Variants in AHNAK2 observed in about 807,000 individuals in gnomAD.
The protein encoded by AHNAK2 is AHNAK nucleoprotein 2, also known as protein AHNAK2.
AHNAK2 carries 18 observed loss-of-function variants against 30.7 expected under a neutral mutation model. The observed-to-expected ratio is 0.59, with a 90% CI of 0.41 to 0.87. The LOEUF (loss-of-function observed/expected upper bound fraction) is 0.87. AHNAK2 is among the 40% of genes least tolerant of loss of function. The probability of loss-of-function intolerance (pLI) is 0.00; values close to 1 mark genes in which losing one functional copy is unlikely to be tolerated. For synonymous variants in AHNAK2, 3,590 were observed against 3,073.8 expected (o/e 1.17, Z -5.56); for missense variants, 8,604 against 7,373.0 (o/e 1.17, Z -6.11).
chr14:104,943,801 C>A lies in AHNAK2; in HGVS notation c.11650G>T (p.Gly3884Ter), dbSNP rs765070678. The change falls in exon 7 of 7, where the codon GGA (glycine) becomes TGA (stop). Residue 3884 changes from glycine (G) to a stop codon, truncating the protein, a stop_gained. Transcript: ENST00000333244. LOFTEE classifies it low-confidence loss of function (END_TRUNC). Reference protein sequence around the residue: ...GHVPEEAGLKGHLPKVQMPSF... With the variant: ...GHVPEEAGLK ...GGCATCTGCACCTTGGGCAGGTGTC[C>A]TTTGAGGCCGGCTTCCTCGGGCACG... 6.2e-7 allele frequency: 1 copy of A among 1,613,190 alleles called. No homozygotes were observed. Among genetic ancestry groups the A allele is most frequent in the Non-Finnish European group, 8.5e-7 (1 of 1,179,608 alleles).
rs760600086 is a variant in AHNAK2 at position 104,941,008 on chromosome 14, C to A, written c.14443G>T (p.Gly4815Trp). Reference protein sequence around the residue: ...APELALEIPSGSQADIPLPKT... With the variant: ...APELALEIPSWSQADIPLPKT... ...GGAAGAGGAATATCAGCCTGAGACC[C>A]AGAAGGAATTTCCAGAGCAAGCTCA... is the stretch of plus-strand genomic sequence containing the variant. The change falls in exon 7 of 7, where the codon GGG (glycine) becomes TGG (tryptophan). Residue 4815 changes from glycine to tryptophan, a missense_variant. Gly to Trp is a radical substitution (Grantham distance 184). Coordinates refer to ENST00000333244, the MANE Select transcript of AHNAK2 (RefSeq NM_138420.4). 1 of 1,613,280 alleles carries A rather than the reference C, an allele frequency of 6.2e-7. No individual in the cohort carries two copies. Among genetic ancestry groups the A allele is most frequent in the African/African-American group, 1.3e-5 (1 of 74,910 alleles).
chr14:104,940,294 T>C lies in AHNAK2; in HGVS notation c.15157A>G (p.Thr5053Ala), dbSNP rs373636433. 4.6e-5 allele frequency: 75 copies of C among 1,613,630 alleles called. No homozygotes were observed. The highest frequency in any genetic ancestry group is 5.8e-5 in the Non-Finnish European group (69 of 1,179,904). ...GTGTCTTGAAAGCTACCCCCTGCTG[T>C]GGCACTAGAAAGGGAAGGATCCACG... is the stretch of plus-strand genomic sequence containing the variant. The part of the protein sequence containing the change: ...RDVDPSLSSA[T>A]AGGSFQDTEK... Residue 5053 changes from threonine to alanine, a missense_variant, in exon 7 of 7, where the codon ACA (threonine) becomes GCA (alanine). Coordinates refer to ENST00000333244, the MANE Select transcript of AHNAK2 (RefSeq NM_138420.4). This position sits in a 1 kb window ranked among gnomAD's most constrained non-coding sequence, Gnocchi z 4.4.
Position 104,939,641 on chromosome 14 carries a change from C to A in AHNAK2, c.15810G>T (p.Arg5270Ser). The change falls in exon 7 of 7, where the codon AGG becomes AGT. Residue 5270 changes from arginine to serine, a missense_variant. Arg to Ser is a moderately radical substitution (Grantham distance 110). Transcript: ENST00000333244. ...SESKSSTDILRCDLDSTGLKL... is the reference protein window; with the variant it reads ...SESKSSTDILSCDLDSTGLKL... Reference sequence around the variant, plus strand: ...TCAAGCCTGTGCTGTCAAGATCACACCTTAGAATATCTGTGGATGATTTGC... The same window carrying A: ...TCAAGCCTGTGCTGTCAAGATCACAACTTAGAATATCTGTGGATGATTTGC... 6.2e-7 allele frequency: 1 copy of A among 1,613,858 alleles called. No homozygotes were observed.
chr14:104,949,299 T>G lies in AHNAK2; in HGVS notation c.6152A>C (p.Gln2051Pro). Residue 2051 changes from glutamine to proline, a missense_variant, in exon 7 of 7, where the codon CAG (glutamine) becomes CCG (proline). Transcript: ENST00000333244. Reference protein sequence around the residue: ...PSADLKVQTGQVDVKLPEGHV... With the variant: ...PSADLKVQTGPVDVKLPEGHV... ...GCCCTCCGGGAGCTTCACATCCACC[T>G]GGCCAGTCTGGACCTTCAGGTCGGC... 9.4e-7 allele frequency: 1 copy of G among 1,065,336 alleles called. No homozygotes were observed. The highest frequency in any genetic ancestry group is 2.3e-5 in the East Asian group (1 of 44,102). 66.0% of individuals were successfully genotyped at this position (1,065,336 alleles called of 1,614,324 possible).
chr14:104,969,414 C>T (rs939877242), intron 1 of AHNAK2, among the ~76,000 whole-genome samples: 5 of 152,248 alleles, frequency 3.3e-5, no homozygotes, highest in Non-Finnish European at 7.3e-5. Context: ...GGGCCACAGG[C>T]GCTCTCTCTC....
intron 1 of AHNAK2, among the ~76,000 whole-genome samples, chr14:104,961,798 C>T (rs1899157188): frequency 6.6e-6 from 1 of 151,894 alleles, no homozygotes; most frequent in Non-Finnish European, 1.5e-5. Flanking sequence ...CACAGTGAGA[C>T]CTCATCTTTA....
Position 104,951,436 on chromosome 14 carries a change from C to T in AHNAK2, c.4015G>A (p.Gly1339Arg), listed in dbSNP as rs55883015. 1.8e-3 allele frequency: 2,273 copies of T among 1,237,544 alleles called. 404 individuals are homozygous for T. In the African/African-American group the frequency reaches 0.026, roughly 14 times the overall value. 76.7% of individuals were successfully genotyped at this position (1,237,544 alleles called of 1,614,324 possible). The change falls in exon 7 of 7, where the codon GGG becomes AGG. Residue 1339 changes from glycine to arginine, a missense_variant. Transcript: ENST00000333244. The part of the protein sequence containing the change: ...KMPKFKMPSF[G>R]VSAPGKSIEA... Reference sequence around the variant, plus strand: ...ATGGACTTGCCTGGGGCAGACACCCCGAACGACGGCATCTTGAACTTGGGC... The same window carrying T: ...ATGGACTTGCCTGGGGCAGACACCCTGAACGACGGCATCTTGAACTTGGGC...
rs1419740829 is a variant in AHNAK2 at position 104,954,675 on chromosome 14, A to C, written c.776T>G (p.Leu259Arg). The C allele has an allele frequency of 6.2e-7, 1 of 1,612,682 alleles. No homozygotes were observed. The highest frequency in any genetic ancestry group is 1.7e-5 in the Admixed American group (1 of 59,916). The part of the protein sequence containing the change: ...GRGRQSQRER[L>R]SWPKFQSIKS... ...TATGGATTGAAATTTTGGCCAAGAG[A>C]GCCTCTCCCTCTGGCTCTGCCTGCC... The change falls in exon 7 of 7, where the codon CTC becomes CGC. Residue 259 changes from leucine to arginine, a missense_variant. Transcript: ENST00000333244. The surrounding 1 kb of genome is among the most constrained non-coding windows in gnomAD (Gnocchi z 4.3).
chr14:104,944,778 T>C lies in AHNAK2; in HGVS notation c.10673A>G (p.Lys3558Arg). The change falls in exon 7 of 7, where the codon AAA becomes AGA. Residue 3558 changes from lysine to arginine, a missense_variant. Transcript: ENST00000333244. The stretch of plus-strand genomic sequence containing the variant: ...CGTCTTTAAACTGGGCATCTCCACT[T>C]TGGGCAGGTGCCCTTTGAGGCCGGC... Reference protein sequence around the residue: ...EGAGLKGHLPKVEMPSLKTPK... With the variant: ...EGAGLKGHLPRVEMPSLKTPK... 4 of 1,612,786 alleles carry C rather than the reference T, an allele frequency of 2.5e-6. No homozygotes were observed. Among genetic ancestry groups the C allele is most frequent in the Non-Finnish European group, 3.4e-6 (4 of 1,179,560 alleles).
chr14:104,955,090 T>A lies in AHNAK2; in HGVS notation c.518A>T (p.Asp173Val). 3 of 1,613,362 alleles carry A rather than the reference T, an allele frequency of 1.9e-6. No homozygotes were observed. Among genetic ancestry groups the A allele is most frequent in the Non-Finnish European group, 2.5e-6 (3 of 1,179,840 alleles). The change falls in exon 6 of 7, where the codon GAT becomes GTT. Residue 173 changes from aspartate to valine, a missense_variant. Asp to Val is a radical substitution (Grantham distance 152). Coordinates refer to ENST00000333244, the MANE Select transcript of AHNAK2 (RefSeq NM_138420.4). ...TVFFENIKYE[D>V]ALKILQYSEP... ...TGAATATTGAAGGATTTTGAGAGCA[T>A]CTTCATATTTTATGTTTTCAAAGAA...
Position 104,944,884 on chromosome 14 carries a change from T to G in AHNAK2, c.10567A>C (p.Ile3523Leu), listed in dbSNP as rs760096860. ...TCCAGGTCAGCGGAAGGGGGCTGAATGCTGAGGTCAGTGGCCTTGAGGTCC... is the reference window on the plus strand; with the variant it reads ...TCCAGGTCAGCGGAAGGGGGCTGAAGGCTGAGGTCAGTGGCCTTGAGGTCC... Reference protein sequence around the residue: ...QGDLKATDLSIQPPSADLEVQ... With the variant: ...QGDLKATDLSLQPPSADLEVQ... Residue 3523 changes from isoleucine to leucine, a missense_variant, in exon 7 of 7, where the codon ATT (isoleucine) becomes CTT (leucine). Transcript: ENST00000333244. 9.3e-6 allele frequency: 15 copies of G among 1,612,886 alleles called. No homozygotes were observed. In the East Asian group the frequency reaches 3.1e-4, roughly 34 times the overall value.
At position 104,954,002 on chromosome 14, in the gene AHNAK2, C is replaced by A. The variant is rs777772167; in HGVS notation, c.1449G>T (p.Arg483Ser). The A allele has an allele frequency of 2.5e-6, 4 of 1,613,762 alleles. No homozygotes were observed. Among genetic ancestry groups the A allele is most frequent in the Non-Finnish European group, 2.5e-6 (3 of 1,179,886 alleles). The change falls in exon 7 of 7, where the codon AGG becomes AGT. Residue 483 changes from arginine to serine, a missense_variant. Coordinates refer to ENST00000333244, the MANE Select transcript of AHNAK2 (RefSeq NM_138420.4). This position sits in a 1 kb window ranked among gnomAD's most constrained non-coding sequence, Gnocchi z 4.3. Reference protein sequence around the residue: ...GGTQIGPPEIRVRVHDLKTPK... With the variant: ...GGTQIGPPEISVRVHDLKTPK... ...GTGTCTTTAAATCGTGTACTCGCACCCTAATTTCTGGTGGGCCAATCTGTG... is the reference window on the plus strand; with the variant it reads ...GTGTCTTTAAATCGTGTACTCGCACACTAATTTCTGGTGGGCCAATCTGTG...
Position 104,947,067 on chromosome 14 carries a change from A to G in AHNAK2, c.8384T>C (p.Leu2795Pro), listed in dbSNP as rs1355520899. 4 of 1,612,236 alleles carry G rather than the reference A, an allele frequency of 2.5e-6. No individual in the cohort carries two copies. Among genetic ancestry groups the G allele is most frequent in the East Asian group, 2.2e-5 (1 of 44,704 alleles). The change falls in exon 7 of 7, where the codon CTG becomes CCG. Residue 2795 changes from leucine (L) to proline (P), a missense_variant. Leu to Pro is a moderately conservative substitution (Grantham distance 98, BLOSUM62 -3). Transcript: ENST00000333244. ...GTCGGCCAGGGACAGGTCCCCCTCC[A>G]GCCGCGCACCATCCAGCTTTGCTCT... is the stretch of plus-strand genomic sequence containing the variant. ...APRAKLDGAR[L>P]EGDLSLADKG...
rs748915353 is a variant in AHNAK2 at position 104,939,290 on chromosome 14, G to A, written c.16161C>T (p.Pro5387=). 1.2e-6 allele frequency: 2 copies of A among 1,613,848 alleles called. No individual in the cohort carries two copies. The highest frequency in any genetic ancestry group is 2.2e-5 in the East Asian group (1 of 44,888). Residue 5387 remains proline (P), a synonymous_variant, in exon 7 of 7, where the codon CCC becomes CCT. Transcript: ENST00000333244. ...WEDSVLTVKF[P]KLMVPRFSFP... is the part of the protein sequence containing the mutation. The stretch of plus-strand genomic sequence containing the variant: ...AGGAGAACCTTGGTACCATTAATTT[G>A]GGGAATTTGACAGTTAGGACAGAAT...
Position 104,955,407 on chromosome 14 carries a change from C to A in AHNAK2, c.466+76G>T, listed in dbSNP as rs930024579. On this transcript the variant is annotated intron_variant, in intron 5 of 6. Coordinates refer to ENST00000333244, the MANE Select transcript of AHNAK2 (RefSeq NM_138420.4). ...CTAAGCTCCAGGTGTGGTTCTTACC[C>A]CTCAATACCCCCCTCCAGGTCCCTC... 1.2e-5 allele frequency: 19 copies of A among 1,530,908 alleles called. No individual in the cohort carries two copies. The African/African-American group carries it at 1.8e-4, about 14-fold the overall frequency. The allele number at this position is 1,530,908 out of a possible 1,614,324, so 94.8% of individuals were successfully genotyped here. A position where few individuals can be genotyped will look rare whatever the true frequency, so the allele number is the denominator to read the frequency against.
At chr14:104,955,315 C>G in intron 5 of AHNAK2, 168 bp downstream of exon 5, 1 of 1,288,230 alleles carries the variant, frequency 7.8e-7, no homozygotes, top group Non-Finnish European at 1.0e-6. Context: ...ATGGGGTCCC[C>G]CATTTTACTA....
In AHNAK2 at chr14:104,950,568, A is replaced by C. The variant is rs763057635; in HGVS notation, c.4883T>G (p.Val1628Gly). ...ATCCAGCTTTGCTCTCGGGGCCTGG[A>C]CGTCCACCTCCATGCTGGACAGAGA... ...KMSLSSMEVD[V>G]QAPRAKLDGA... The change falls in exon 7 of 7, where the codon GTC (valine) becomes GGC (glycine). Residue 1628 changes from valine (V) to glycine (G), a missense_variant. Physicochemically the swap from Val to Gly is moderately radical, Grantham distance 109. Transcript: ENST00000333244. 4 of 1,586,570 alleles carry C rather than the reference A, an allele frequency of 2.5e-6. No individual in the cohort carries two copies. In the Admixed American group the frequency reaches 7.0e-5, roughly 28 times the overall value.
Position 104,978,267 on chromosome 14 carries a change from GC to G in AHNAK2, c.-31del. 1 of 1,126,280 alleles carries G rather than the reference GC, an allele frequency of 8.9e-7. No homozygotes were observed. The highest frequency in any genetic ancestry group is 4.3e-5 in the South Asian group (1 of 23,234). 69.8% of individuals were successfully genotyped at this position (1,126,280 alleles called of 1,614,324 possible). A position where few individuals can be genotyped will look rare whatever the true frequency, so the allele number is the denominator to read the frequency against. ...GCGGCCAGGCGGTGCGGGCCTGGCG[GC>G]CCGTCGCGTCCAGTCGCTGGTCCCG... On this transcript the variant is annotated 5_prime_UTR_variant, in exon 1 of 7. Transcript: ENST00000333244.
intron 1 of AHNAK2, among the ~76,000 whole-genome samples, chr14:104,958,155 A>G (rs749097939): frequency 1.1e-4 from 16 of 152,254 alleles, no homozygotes; most frequent in Admixed American, 2.0e-4. Flanking sequence ...GAAACTATTA[A>G]AAGTTTGTTC....
Sources: allele counts gnomAD v4.1 joint callset (sites outside exome capture counted in the v4.1 genomes callset), GRCh38; gene constraint gnomAD v4.1.1; non-coding constraint Gnocchi (gnomAD v3.1); transcripts MANE v1.5; gene names NCBI Gene and HGNC (gene_info 2026-07-23, HGNC 2026-07-21).